STAG1: variants seen among roughly 807,000 people sequenced by gnomAD.
STAG1 encodes STAG1 cohesin complex component.
A neutral mutation model predicts 170.9 loss-of-function variants in STAG1; 26 were observed. The ratio of observed to expected loss-of-function variants is 0.15; its 90% CI spans 0.11 to 0.21. The LOEUF is 0.21. STAG1 is among the 10% of genes least tolerant of loss of function. The pLI is 1.00. For synonymous variants in STAG1, 514 were observed against 497.7 expected, an observed-to-expected ratio of 1.03 and a Z score of -0.44; for missense variants, 964 against 1,509.5, an observed-to-expected ratio of 0.64 and a Z score of 5.99.
intron 3 of STAG1, among the ~76,000 whole-genome samples, chr3:136,615,527 C>T (rs554464183): frequency 1.5e-3 from 232 of 151,254 alleles, no homozygotes; most frequent in Non-Finnish European, 2.8e-3. Context: ...GCCTGTAATC[C>T]CAGCACTTTG....
At chr3:136,370,360 TTATTA>T (rs1301764398) in intron 23 of STAG1, among the ~76,000 whole-genome samples, 3 of 152,064 alleles carry the variant, frequency 2.0e-5, no homozygotes, top group Non-Finnish European at 2.9e-5. Context: ...TTTAATTTTA[TTATTA>T]TATTATTATT....
chr3:136,683,546 G>A (rs191732515), intron 1 of STAG1, among the ~76,000 whole-genome samples: 35 of 152,170 alleles, frequency 2.3e-4, no homozygotes, highest in Admixed American at 9.2e-4. Context: ...TTACTGGCAC[G>A]AGCCACAGTG....
intron 23 of STAG1, among the ~76,000 whole-genome samples, chr3:136,376,012 T>TAAATAAATAAATAAA (rs1553796066): frequency 2.8e-4 from 4 of 14,186 alleles, no homozygotes; most frequent in Admixed American, 1.2e-3. Flanking sequence ...AAATAAATAA[T>TAAATAAATAAATAAA]TAACAAAATA....
chr3:136,540,035 G>A (rs1380018160), intron 6 of STAG1, among the ~76,000 whole-genome samples: 8 of 151,538 alleles, frequency 5.3e-5, no homozygotes, highest in Non-Finnish European at 1.2e-4. Flanking sequence ...AGATCTTTTA[G>A]AATATTATAA....
intron 1 of STAG1, among the ~76,000 whole-genome samples, chr3:136,631,391 C>T (rs914946516): frequency 3.3e-5 from 5 of 152,050 alleles, no homozygotes; most frequent in African/African-American, 1.2e-4. Context: ...CGGTGGTTAC[C>T]AAGGATTTAG....
chr3:136,687,308 T>C (rs541704933), intron 1 of STAG1, among the ~76,000 whole-genome samples: 88 of 152,364 alleles, frequency 5.8e-4, no homozygotes, highest in African/African-American at 2.1e-3. Flanking sequence ...TTTAAGGTTC[T>C]ATTATTAAAC....
intron 14 of STAG1, among the ~76,000 whole-genome samples, chr3:136,447,767 G>GC (rs2107769796): frequency 6.6e-6 from 1 of 151,844 alleles, no homozygotes; most frequent in South Asian, 2.1e-4. Context: ...ACAGGTGCCC[G>GC]CCACCAGGCC....
chr3:136,507,838 T>A (rs1933847434), intron 7 of STAG1, among the ~76,000 whole-genome samples: 1 of 152,174 alleles, frequency 6.6e-6, no homozygotes, highest in Non-Finnish European at 1.5e-5. Context: ...GCAGTTTAGC[T>A]TTCTAAAATC....
At chr3:136,500,949 G>GT (rs1488310040) in intron 8 of STAG1, among the ~76,000 whole-genome samples, 1 of 152,096 alleles carries the variant, frequency 6.6e-6, no homozygotes, top group Non-Finnish European at 1.5e-5. Context: ...ATTCAAGGTG[G>GT]TATCTACTAT....
At chr3:136,630,801 T>C (rs1208247230) in intron 2 of STAG1, 69 bp downstream of exon 2, 3 of 1,106,194 alleles carry the variant, frequency 2.7e-6, no homozygotes, top group Non-Finnish European at 4.0e-6. Flanking sequence ...AGAGAGCATT[T>C]TGATAAAGAA....
intron 6 of STAG1, among the ~76,000 whole-genome samples, chr3:136,527,038 T>C (rs1396354648): frequency 6.6e-6 from 1 of 152,228 alleles, no homozygotes; most frequent in African/African-American, 2.4e-5. Flanking sequence ...TTTTCCTTCA[T>C]TTCAACTTCG....
At chr3:136,704,701 C>T (rs1943175364) in intron 1 of STAG1, among the ~76,000 whole-genome samples, 1 of 151,178 alleles carries the variant, frequency 6.6e-6, no homozygotes, top group Admixed American at 6.6e-5. Context: ...TGGTGGCATG[C>T]ATCTGTAGTC....
chr3:136,724,160 G>C lies in STAG1; in HGVS notation c.-84+28035C>G, dbSNP rs573505297. Among the ~76,000 whole-genome samples the C allele has an allele frequency of 1.4e-4, 22 of 152,068 alleles. No individual in the cohort carries two copies. The South Asian group carries it at 3.1e-3, about 22-fold the overall frequency. ...ACAATGGCGGTTTTGTGGAATAGAGGAGGGGAGAAAGGCGGGGAAAGGATT... is the reference window on the plus strand; with the variant it reads ...ACAATGGCGGTTTTGTGGAATAGAGCAGGGGAGAAAGGCGGGGAAAGGATT... On this transcript the variant is annotated intron_variant, in intron 1 of 33. Coordinates refer to ENST00000383202, the MANE Select transcript of STAG1 (RefSeq NM_005862.3).
chr3:136,562,716 T>G (rs1387572305), intron 5 of STAG1, among the ~76,000 whole-genome samples: 2 of 151,926 alleles, frequency 1.3e-5, no homozygotes, highest in Admixed American at 1.3e-4. Flanking sequence ...GCCTCCCAAG[T>G]AGCTGGGATT....
chr3:136,718,392 T>C (rs1932991311), intron 1 of STAG1, among the ~76,000 whole-genome samples: 1 of 152,186 alleles, frequency 6.6e-6, no homozygotes, highest in South Asian at 2.1e-4. Context: ...TAATAATACA[T>C]TTTTACACTG....
At chr3:136,354,753 C>CAAAAAAAAAAAAAAA (rs1469138728) in intron 28 of STAG1, among the ~76,000 whole-genome samples, 9 of 622 alleles carry the variant, frequency 0.014, no homozygotes, top group Admixed American at 0.077. Context: ...GGAGAAAGAA[C>CAAAAAAAAAAAAAAA]CAAAAAAAAA....
intron 31 of STAG1, 112 bp from the exon 32 acceptor site, chr3:136,340,717 G>A: frequency 1.5e-6 from 1 of 666,988 alleles, no homozygotes; most frequent in South Asian, 1.8e-5. Flanking sequence ...TTCTAATCAT[G>A]ACCTACAGAC....
chr3:136,470,376 C>A (rs564669011), intron 12 of STAG1, among the ~76,000 whole-genome samples: 1 of 152,182 alleles, frequency 6.6e-6, no homozygotes, highest in Non-Finnish European at 1.5e-5. Flanking sequence ...CCAACAGACA[C>A]GTGAAATAAT....
At chr3:136,632,992 C>T (rs1940391778) in intron 1 of STAG1, among the ~76,000 whole-genome samples, 1 of 151,792 alleles carries the variant, frequency 6.6e-6, no homozygotes, top group Non-Finnish European at 1.5e-5. Context: ...ACAATAAAGA[C>T]AGTCTTGGCA....
Sources: allele counts gnomAD v4.1 joint callset (sites outside exome capture counted in the v4.1 genomes callset), GRCh38; gene constraint gnomAD v4.1.1; transcripts MANE v1.5; gene names NCBI Gene and HGNC (gene_info 2026-07-23, HGNC 2026-07-21).